KDELR2: variants seen among roughly 807,000 people sequenced by gnomAD.
KDELR2 encodes ER lumen protein-retaining receptor 2.
A neutral mutation model predicts 23.9 loss-of-function variants in KDELR2; 15 were observed. The observed-to-expected ratio is 0.63, with a 90% CI of 0.42 to 0.97. The LOEUF is 0.97. Among genes scored for constraint, KDELR2 ranks in the 50% least tolerant of loss-of-function variants. The pLI, the probability that KDELR2 is intolerant of heterozygous loss-of-function variation, is 0.00. For missense variants in KDELR2, 272 were observed against 254.6 expected, an observed-to-expected ratio of 1.07 and a Z score of -0.46; for synonymous variants, 119 against 106.2, an observed-to-expected ratio of 1.12 and a Z score of -0.74.
rs1046404178 is a variant in KDELR2, at chr7:6,468,567, G to A, written c.351+1029C>T. On this transcript the variant is annotated intron_variant, in intron 3 of 4. Coordinates refer to ENST00000258739, the MANE Select transcript of KDELR2 (RefSeq NM_006854.4). ...GTCGCCAAGGCTGGAGTGCAGTAGC[G>A]CGATCTTGGCTCACTGCAAGCTCCG... Among the ~76,000 whole-genome samples the A allele has an allele frequency of 1.1e-4, 17 of 151,780 alleles. No homozygotes were observed. The East Asian group carries it at 1.7e-3, about 16-fold the overall frequency.
chr7:6,481,344 C>G (rs151274915), intron 1 of KDELR2, among the ~76,000 whole-genome samples: 3,554 of 108,802 alleles, frequency 0.033, 71 homozygotes, highest in Middle Eastern at 0.045. Flanking sequence ...CAGCCTGGGA[C>G]ACAAGATCAA....
At chr7:6,481,578 C>T (rs988233015) in intron 1 of KDELR2, among the ~76,000 whole-genome samples, 4 of 151,760 alleles carry the variant, frequency 2.6e-5, no homozygotes, top group South Asian at 2.1e-4. Flanking sequence ...GTAACATCGC[C>T]GGGCACTGTG....
In KDELR2 at chr7:6,469,749, G is replaced by C; in HGVS notation, c.198C>G (p.Ile66Met). 2.5e-6 allele frequency: 4 copies of C among 1,608,156 alleles called. No homozygotes were observed. Among genetic ancestry groups the C allele is most frequent in the Non-Finnish European group, 3.4e-6 (4 of 1,177,796 alleles). ...ISLYNTSMKV[I>M]YLACSYATVY... ...CTGTGGCATAGGAGCAGGCAAGGTA[G>C]ATAACCTACAAATAAAAGAAAAAAC... The change falls in exon 3 of 5, where the codon ATC becomes ATG. Residue 66 changes from isoleucine to methionine, a missense_variant. Physicochemically the swap from Ile to Met is conservative, Grantham distance 10 (BLOSUM62 1). Coordinates refer to ENST00000258739, the MANE Select transcript of KDELR2 (RefSeq NM_006854.4).
At chr7:6,463,791 T>C (rs73342979) in intron 4 of KDELR2, among the ~76,000 whole-genome samples, 1 of 148,302 alleles carries the variant, frequency 6.7e-6, no homozygotes, top group East Asian at 2.0e-4. Context: ...CAGGGTGAGG[T>C]AGCTCACGCC....
At chr7:6,464,746 T>C (rs1785465206) in intron 4 of KDELR2, among the ~76,000 whole-genome samples, 1 of 150,214 alleles carries the variant, frequency 6.7e-6, no homozygotes, top group East Asian at 1.9e-4. Flanking sequence ...TTTTTTTTTT[T>C]TTTTTTGAGA....
rs1186812905 is a variant in KDELR2, at chr7:6,484,127, C to G, written c.-70G>C. 1.7e-6 allele frequency: 2 copies of G among 1,177,546 alleles called. No homozygotes were observed. Among genetic ancestry groups the G allele is most frequent in the Non-Finnish European group, 2.2e-6 (2 of 929,822 alleles). 72.9% of individuals were successfully genotyped at this position (1,177,546 alleles called of 1,614,324 possible). A position where few individuals can be genotyped will look rare whatever the true frequency, so the allele number is the denominator to read the frequency against. ...GCTGGGCGGCTCAGGAGGCGGCGGC[C>G]CCTGAGAGGAAGCGGCGAAGATGGC... is the stretch of plus-strand genomic sequence containing the variant. On this transcript the variant is annotated 5_prime_UTR_variant, in exon 1 of 5. Transcript: ENST00000258739.
At chr7:6,482,628 G>A (rs1421005893) in intron 1 of KDELR2, 1 of 462,868 alleles carries the variant, frequency 2.2e-6, no homozygotes, top group South Asian at 1.6e-5. Flanking sequence ...TGTGACTTTA[G>A]ACGCCAAAAT....
At chr7:6,473,738 C>T (rs1785701079) in intron 2 of KDELR2, among the ~76,000 whole-genome samples, 1 of 152,132 alleles carries the variant, frequency 6.6e-6, no homozygotes, top group African/African-American at 2.4e-5. Flanking sequence ...AAGATAGAAG[C>T]CTATAGACAG....
chr7:6,466,853 G>A (rs1235593046), intron 3 of KDELR2, among the ~76,000 whole-genome samples: 1 of 152,068 alleles, frequency 6.6e-6, no homozygotes, highest in Non-Finnish European at 1.5e-5. Context: ...AGGAGGTGGA[G>A]CTTGGGCAGT....
intron 4 of KDELR2, among the ~76,000 whole-genome samples, chr7:6,464,978 C>T (rs1785470338): frequency 6.6e-6 from 1 of 151,868 alleles, no homozygotes; most frequent in Non-Finnish European, 1.5e-5. Flanking sequence ...TCAGACGATC[C>T]ACCCATCTCG....
intron 2 of KDELR2, 168 bp downstream of exon 2, chr7:6,474,016 G>A: frequency 2.0e-6 from 1 of 491,086 alleles, no homozygotes; most frequent in Admixed American, 3.6e-5. Context: ...AGCTCGTTTA[G>A]TCCCAGTTAT....
chr7:6,471,975 A>G (rs532549269), intron 2 of KDELR2, among the ~76,000 whole-genome samples: 20 of 151,152 alleles, frequency 1.3e-4, no homozygotes, highest in South Asian at 4.2e-4. Flanking sequence ...ATCTCGGCTC[A>G]CTGCAACCTC....
rs773910864 is a variant in KDELR2 at position 6,469,745 on chromosome 7, G to T, written c.202C>A (p.Leu68Ile). 13 of 1,610,316 alleles carry T rather than the reference G, an allele frequency of 8.1e-6. No homozygotes were observed. In the South Asian group the frequency reaches 1.4e-4, roughly 18 times the overall value. Residue 68 changes from leucine to isoleucine, a missense_variant, in exon 3 of 5, where the codon CTT becomes ATT. Leu to Ile is a conservative substitution (Grantham distance 5). Coordinates refer to ENST00000258739, the MANE Select transcript of KDELR2 (RefSeq NM_006854.4). The part of the protein sequence containing the change: ...LYNTSMKVIY[L>I]ACSYATVYLI... The stretch of plus-strand genomic sequence containing the variant: ...TACACTGTGGCATAGGAGCAGGCAA[G>T]GTAGATAACCTACAAATAAAAGAAA...
chr7:6,481,510 T>C (rs1317867339), intron 1 of KDELR2, among the ~76,000 whole-genome samples: 2 of 151,750 alleles, frequency 1.3e-5, no homozygotes, highest in South Asian at 2.1e-4. Flanking sequence ...CTGAAAAACA[T>C]ATGGAAGAAA....
intron 2 of KDELR2, among the ~76,000 whole-genome samples, chr7:6,471,999 C>G (rs998419357): frequency 3.3e-5 from 5 of 151,974 alleles, no homozygotes; most frequent in Admixed American, 2.6e-4. Context: ...TTCCCGGGTT[C>G]AAGCAATTCT....
At chr7:6,475,617 C>G (rs1308751937) in intron 1 of KDELR2, among the ~76,000 whole-genome samples, 2 of 152,216 alleles carry the variant, frequency 1.3e-5, no homozygotes, top group African/African-American at 4.8e-5. Flanking sequence ...CTGCATGGCA[C>G]AGCCACACTC....
At chr7:6,464,194 T>G in intron 4 of KDELR2, among the ~76,000 whole-genome samples, 1 of 47,980 alleles carries the variant, frequency 2.1e-5, no homozygotes, top group Middle Eastern at 0.022. Flanking sequence ...CAAAACTCTG[T>G]CTCAAAAAAA....
intron 1 of KDELR2, among the ~76,000 whole-genome samples, chr7:6,475,337 G>A (rs941449272): frequency 3.3e-5 from 5 of 152,162 alleles, no homozygotes; most frequent in Non-Finnish European, 7.3e-5. Flanking sequence ...TGAGGTGGGA[G>A]GATTGCGTGA....
At chr7:6,481,982 T>C (rs1785905166) in intron 1 of KDELR2, among the ~76,000 whole-genome samples, 1 of 2,302 alleles carries the variant, frequency 4.3e-4, no homozygotes, top group African/African-American at 2.3e-3. Context: ...TATTTATTTA[T>C]TTATTTATTT....
Sources: allele counts gnomAD v4.1 joint callset (sites outside exome capture counted in the v4.1 genomes callset), GRCh38; gene constraint gnomAD v4.1.1; transcripts MANE v1.5; gene names NCBI Gene and HGNC (gene_info 2026-07-23, HGNC 2026-07-21).